The following PTPRE variants were observed in gnomAD, a reference collection of about 807,000 sequenced individuals.
PTPRE encodes protein tyrosine phosphatase receptor type E.
PTPRE carries 51 observed loss-of-function variants against 102.0 expected under a neutral mutation model. The observed-to-expected ratio is 0.50, with a 90% CI of 0.40 to 0.63. PTPRE has a LOEUF of 0.63. Ranked by LOEUF, PTPRE falls within the 30% of genes least tolerant of loss-of-function variation. The probability of loss-of-function intolerance (pLI) is 0.00; values close to 1 mark genes in which losing one functional copy is unlikely to be tolerated. For synonymous variants in PTPRE, 345 were observed against 348.2 expected, an observed-to-expected ratio of 0.99 and a Z score of 0.10; for missense variants, 752 against 915.1, an observed-to-expected ratio of 0.82 and a Z score of 2.30.
chr10:128,067,258 A>T (rs1404943813), intron 11 of PTPRE, among the ~76,000 whole-genome samples: 1 of 151,454 alleles, frequency 6.6e-6, no homozygotes. Flanking sequence ...ATTCATGCAC[A>T]TGCATACATG....
chr10:127,907,530 A>G lies in PTPRE; in HGVS notation c.-31+221A>G, dbSNP rs1357384466. On this transcript the variant is annotated intron_variant, in intron 1 of 20. Transcript: ENST00000254667. The surrounding 1 kb of genome is among the most constrained non-coding windows in gnomAD (Gnocchi z 4.8). ...ACCCCGGCCTGTGGCGCGTCCCCTC[A>G]CCCGGAGTCCCCAGCCCAACTTGGC... 6.6e-6 allele frequency among the ~76,000 whole-genome samples: 1 copy of G among 150,590 alleles called. No individual in the cohort carries two copies. Among genetic ancestry groups the G allele is most frequent in the Non-Finnish European group, 1.5e-5 (1 of 67,600 alleles).
At chr10:128,061,891 C>T (rs1322708085) in intron 9 of PTPRE, among the ~76,000 whole-genome samples, 176 bp downstream of exon 9, 1 of 152,198 alleles carries the variant, frequency 6.6e-6, no homozygotes, top group Non-Finnish European at 1.5e-5. Flanking sequence ...GAGAAACACA[C>T]ACTTATTCCC....
intron 2 of PTPRE, among the ~76,000 whole-genome samples, chr10:128,012,806 G>T (rs1845126722): frequency 6.6e-6 from 1 of 152,174 alleles, no homozygotes; most frequent in Non-Finnish European, 1.5e-5. Context: ...TTTTTCAGGG[G>T]AGTGTGGTCT....
chr10:128,017,907 A>G (rs1845566377), intron 2 of PTPRE, among the ~76,000 whole-genome samples: 1 of 152,136 alleles, frequency 6.6e-6, no homozygotes, highest in African/African-American at 2.4e-5. Context: ...ACCTTCTCGG[A>G]GCTCCACTCG....
At chr10:127,968,360 G>T (rs564303223) in intron 1 of PTPRE, among the ~76,000 whole-genome samples, 2 of 152,200 alleles carry the variant, frequency 1.3e-5, no homozygotes, top group African/African-American at 4.8e-5. Flanking sequence ...AAGGGCCACC[G>T]TGTGAAACCT....
At chr10:128,011,688 ACT>A (rs1232283522) in intron 2 of PTPRE, among the ~76,000 whole-genome samples, 1 of 152,120 alleles carries the variant, frequency 6.6e-6, no homozygotes, top group African/African-American at 2.4e-5. Flanking sequence ...CACTCCTGTC[ACT>A]CTATGCTTCC....
intron 1 of PTPRE, among the ~76,000 whole-genome samples, chr10:127,919,107 G>A (rs1253695023): frequency 6.6e-6 from 1 of 152,144 alleles, no homozygotes; most frequent in Admixed American, 6.5e-5. Context: ...GCAGTGCCTA[G>A]GACTGAGGCA....
chr10:128,047,249 G>C, intron 3 of PTPRE, 141 bp from the exon 4 acceptor site: 1 of 1,236,354 alleles, frequency 8.1e-7, no homozygotes, highest in Non-Finnish European at 1.1e-6. Context: ...TTACCTCGTG[G>C]GGCCTTTTCA....
At chr10:128,059,956 C>A (rs898839410) in intron 7 of PTPRE, among the ~76,000 whole-genome samples, 4 of 124,988 alleles carry the variant, frequency 3.2e-5, no homozygotes, top group South Asian at 5.2e-4. Context: ...ACACACACAA[C>A]ACACACACTA....
intron 1 of PTPRE, among the ~76,000 whole-genome samples, chr10:127,920,949 G>A (rs964552431): frequency 2.0e-5 from 3 of 152,214 alleles, no homozygotes; most frequent in Non-Finnish European, 2.9e-5. Context: ...ACCCAGACAT[G>A]AGTCTCCTTG....
At chr10:127,950,460 A>G (rs1220185990) in intron 1 of PTPRE, among the ~76,000 whole-genome samples, 1 of 152,166 alleles carries the variant, frequency 6.6e-6, no homozygotes, top group African/African-American at 2.4e-5. Context: ...TGGATTTGTC[A>G]CTTAAAACCA....
In PTPRE at chr10:128,084,541, C is replaced by T. The variant is rs1161224061; in HGVS notation, c.*1635C>T. 2.0e-5 allele frequency: 3 copies of T among 152,280 alleles called. No homozygotes were observed. The highest frequency in any genetic ancestry group is 4.4e-5 in the Non-Finnish European group (3 of 68,094). 9.4% of individuals were successfully genotyped at this position (152,280 alleles called of 1,614,324 possible). On this transcript the variant is annotated 3_prime_UTR_variant, in exon 21 of 21. Coordinates refer to ENST00000254667, the MANE Select transcript of PTPRE (RefSeq NM_006504.6). The stretch of plus-strand genomic sequence containing the variant: ...TGGTGCCCAGCTGGAAGGACGAAAG[C>T]ACACTTTGTGACCGCCATCCTCACC...
intron 2 of PTPRE, among the ~76,000 whole-genome samples, chr10:128,036,991 G>A (rs1178439779): frequency 1.3e-5 from 2 of 152,150 alleles, no homozygotes; most frequent in African/African-American, 2.4e-5. Flanking sequence ...CTTTCCTGGC[G>A]GCTCATGACT....
chr10:127,947,853 G>A (rs1438721907), intron 1 of PTPRE, among the ~76,000 whole-genome samples: 1 of 152,224 alleles, frequency 6.6e-6, no homozygotes, highest in African/African-American at 2.4e-5. Context: ...CTGGGGTACA[G>A]GGAAGTAGGT....
At chr10:128,063,550 C>T (rs1257483865) in intron 10 of PTPRE, among the ~76,000 whole-genome samples, 7 of 152,108 alleles carry the variant, frequency 4.6e-5, no homozygotes, top group Admixed American at 6.5e-5. Context: ...CATGATTTCG[C>T]GCTTATTATC....
chr10:128,025,429 G>A (rs1015645366), intron 2 of PTPRE, among the ~76,000 whole-genome samples: 16 of 152,262 alleles, frequency 1.1e-4, no homozygotes, highest in Middle Eastern at 3.4e-3. Context: ...GGAGAGGTGA[G>A]GTCAGGACGT....
chr10:128,022,186 G>A (rs1259810840), intron 2 of PTPRE, among the ~76,000 whole-genome samples: 1 of 152,176 alleles, frequency 6.6e-6, no homozygotes, highest in Non-Finnish European at 1.5e-5. Context: ...GGAAGCCCTG[G>A]AGAATCTCAC....
intron 7 of PTPRE, among the ~76,000 whole-genome samples, chr10:128,058,329 C>A (rs914516428): frequency 2.6e-5 from 4 of 152,234 alleles, no homozygotes; most frequent in African/African-American, 7.2e-5. Flanking sequence ...GCCGCGTTCT[C>A]CAGGTTGTGC....
intron 6 of PTPRE, among the ~76,000 whole-genome samples, chr10:128,055,172 C>T (rs1848848405): frequency 6.6e-6 from 1 of 152,194 alleles, no homozygotes; most frequent in Non-Finnish European, 1.5e-5. Context: ...GCCCCGGGTC[C>T]AGCCGCTGGT....
Sources: gnomAD v4.1 joint callset for allele counts (sites outside exome capture counted in the v4.1 genomes callset) on GRCh38, gnomAD v4.1.1 for gene constraint, Gnocchi (gnomAD v3.1) non-coding constraint, MANE v1.5 for transcripts, NCBI Gene and HGNC (gene_info 2026-07-23, HGNC 2026-07-21) for gene names.